Variants in RYR2 observed in about 807,000 individuals in gnomAD.
The protein encoded by RYR2 is cardiac muscle ryanodine receptor-calcium release channel.
RYR2 carries 227 observed loss-of-function variants against 601.1 expected under a neutral mutation model. The ratio of observed to expected loss-of-function variants is 0.38; its 90% CI spans 0.34 to 0.42. The LOEUF (loss-of-function observed/expected upper bound fraction) is 0.42. Ranked by LOEUF, RYR2 falls within the 10% of genes least tolerant of loss-of-function variation. The probability of loss-of-function intolerance (pLI) is 1.00; values close to 1 mark genes in which losing one functional copy is unlikely to be tolerated. For missense variants in RYR2, 4,646 were observed against 6,156.5 expected, an observed-to-expected ratio of 0.75 and a Z score of 8.21; for synonymous variants, 2,223 against 2,175.1, an observed-to-expected ratio of 1.02 and a Z score of -0.61.
intron 41 of RYR2, among the ~76,000 whole-genome samples, chr1:237,628,780 T>G (rs1471060778): frequency 1.3e-5 from 2 of 151,964 alleles, no homozygotes; most frequent in Non-Finnish European, 2.9e-5. Flanking sequence ...CTGTGTGGTG[T>G]TTAATACATT....
intron 76 of RYR2, among the ~76,000 whole-genome samples, chr1:237,728,678 A>G (rs1690412573): frequency 6.6e-6 from 1 of 151,746 alleles, no homozygotes; most frequent in Non-Finnish European, 1.5e-5. Context: ...GCAAACTAAC[A>G]CAGGAACAGA....
intron 1 of RYR2, among the ~76,000 whole-genome samples, chr1:237,114,421 A>G (rs1037131040): frequency 2.0e-5 from 3 of 152,236 alleles, no homozygotes; most frequent in African/African-American, 7.2e-5. Flanking sequence ...AATGGACATG[A>G]CATCTTCACC....
rs80182847 is a variant in RYR2 at position 237,398,899 on chromosome 1, C to T, written c.773+10716C>T. Among the ~76,000 whole-genome samples, 166 of 152,218 alleles carry T rather than the reference C, an allele frequency of 1.1e-3. 1 individual carries two copies. The East Asian group carries it at 0.029, about 27-fold the overall frequency. ...AGTGAAATGGAATGGTCTATTGAAA[C>T]GCACAACCACCTGGCTGTACATGGT... On this transcript the variant is annotated intron_variant, in intron 10 of 104. Coordinates refer to ENST00000366574, the MANE Select transcript of RYR2 (RefSeq NM_001035.3).
intron 1 of RYR2, among the ~76,000 whole-genome samples, chr1:237,126,111 C>T (rs1317284217): frequency 6.6e-6 from 1 of 152,152 alleles, no homozygotes; most frequent in South Asian, 2.1e-4. Flanking sequence ...GTGGCGGGCG[C>T]CTGTAATCCC....
At chr1:237,140,466 C>T (rs1258043883) in intron 1 of RYR2, among the ~76,000 whole-genome samples, 2 of 152,218 alleles carry the variant, frequency 1.3e-5, no homozygotes, top group South Asian at 4.1e-4. Context: ...GCAGAACACA[C>T]AACACTGATG....
At chr1:237,222,412 CAAA>C (rs35919052) in intron 1 of RYR2, among the ~76,000 whole-genome samples, 2 of 136,682 alleles carry the variant, frequency 1.5e-5, no homozygotes. Context: ...GACTCCATCT[CAAA>C]AAAAAAAAAA....
At chr1:237,793,834 A>C in intron 94 of RYR2, 33 bp from the exon 95 acceptor site, 1 of 1,532,948 alleles carries the variant, frequency 6.5e-7, no homozygotes, top group Non-Finnish European at 9.0e-7. Context: ...GTAAATCTAA[A>C]CTAATTTTAA....
chr1:237,229,478 A>G (rs1369298940), intron 1 of RYR2, among the ~76,000 whole-genome samples: 1 of 152,122 alleles, frequency 6.6e-6, no homozygotes, highest in Non-Finnish European at 1.5e-5. Context: ...TGATCCTATG[A>G]TGGGGAAAGT....
At chr1:237,238,677 G>C (rs370496476) in intron 1 of RYR2, among the ~76,000 whole-genome samples, 1 of 152,192 alleles carries the variant, frequency 6.6e-6, no homozygotes, top group Admixed American at 6.5e-5. Context: ...CAGACTGGTC[G>C]TACTGGAGTT....
chr1:237,098,960 A>G (rs1465943550), intron 1 of RYR2, among the ~76,000 whole-genome samples: 1 of 152,160 alleles, frequency 6.6e-6, no homozygotes, highest in East Asian at 1.9e-4. Flanking sequence ...CTTGCCTCTG[A>G]ATCGCATATG....
intron 27 of RYR2, among the ~76,000 whole-genome samples, 188 bp downstream of exon 27, chr1:237,550,879 C>A (rs968393206): frequency 3.9e-5 from 6 of 152,124 alleles, no homozygotes; most frequent in Non-Finnish European, 8.8e-5. Context: ...TGGGATGGCT[C>A]AGGATGCTGA....
chr1:237,282,403 C>G (rs1356334064), intron 2 of RYR2, among the ~76,000 whole-genome samples: 1 of 151,906 alleles, frequency 6.6e-6, no homozygotes, highest in Non-Finnish European at 1.5e-5. Flanking sequence ...CTTTTTCTTG[C>G]AATTTTTTTT....
At chr1:237,325,284 A>G (rs1367893329) in intron 2 of RYR2, among the ~76,000 whole-genome samples, 1 of 152,188 alleles carries the variant, frequency 6.6e-6, no homozygotes, top group African/African-American at 2.4e-5. Flanking sequence ...AAAAATGGTA[A>G]TTTATATAGC....
At chr1:237,591,302 T>C (rs1219198342) in intron 31 of RYR2, among the ~76,000 whole-genome samples, 1 of 151,768 alleles carries the variant, frequency 6.6e-6, no homozygotes, top group African/African-American at 2.4e-5. Flanking sequence ...TTTGTTAGCG[T>C]AGGTGCAATC....
intron 10 of RYR2, among the ~76,000 whole-genome samples, chr1:237,398,417 T>G (rs888130223): frequency 2.0e-5 from 3 of 151,974 alleles, no homozygotes; most frequent in Non-Finnish European, 4.4e-5. Context: ...AACAGTAAAA[T>G]ACAAACAATT....
chr1:237,372,029 T>G (rs1176138858), intron 6 of RYR2, among the ~76,000 whole-genome samples: 1 of 152,076 alleles, frequency 6.6e-6, no homozygotes, highest in African/African-American at 2.4e-5. Context: ...ATTGGGCACA[T>G]GTACCCTAGA....
chr1:237,228,859 T>C lies in RYR2; in HGVS notation c.49-41638T>C, dbSNP rs1363332526. Among the ~76,000 whole-genome samples, 3 of 152,236 alleles carry C rather than the reference T, an allele frequency of 2.0e-5. No homozygotes were observed. In the East Asian group the frequency reaches 5.8e-4, roughly 29 times the overall value. ...CAAATTCTCTTCCTTTTCATGGTTT[T>C]TGAATGCTTGTTTGTGTGTAGCTTG... On this transcript the variant is annotated intron_variant, in intron 1 of 104. Coordinates refer to ENST00000366574, the MANE Select transcript of RYR2 (RefSeq NM_001035.3).
At chr1:237,133,757 C>T (rs531392147) in intron 1 of RYR2, among the ~76,000 whole-genome samples, 8 of 152,098 alleles carry the variant, frequency 5.3e-5, no homozygotes, top group African/African-American at 1.9e-4. Flanking sequence ...GAAACCCCGT[C>T]TCTACTAAAA....
intron 101 of RYR2, among the ~76,000 whole-genome samples, chr1:237,824,419 A>G (rs1484771731): frequency 6.6e-6 from 1 of 152,208 alleles, no homozygotes. Flanking sequence ...AGAACCAATG[A>G]CAAAAACCAC....
Sources: allele counts gnomAD v4.1 joint callset (sites outside exome capture counted in the v4.1 genomes callset), GRCh38; gene constraint gnomAD v4.1.1; transcripts MANE v1.5; gene names NCBI Gene and HGNC (gene_info 2026-07-23, HGNC 2026-07-21).